Variants in SPATA17 observed in about 807,000 individuals in gnomAD.
SPATA17 encodes spermatogenesis-associated protein 17.
SPATA17 carries 53 observed loss-of-function variants against 62.2 expected under a neutral mutation model. The observed-to-expected ratio is 0.85, with a 90% CI of 0.68 to 1.07. The LOEUF is 1.07. SPATA17 is among the 50% of genes least tolerant of loss of function. The pLI, the probability that SPATA17 is intolerant of heterozygous loss-of-function variation, is 0.00. For missense variants in SPATA17, 466 were observed against 425.5 expected (o/e 1.10, Z -0.84); for synonymous variants, 146 against 146.8 (o/e 0.99, Z 0.04).
chr1:217,656,739 T>C (rs550139039), intron 3 of SPATA17, among the ~76,000 whole-genome samples: 3 of 152,328 alleles, frequency 2.0e-5, no homozygotes, highest in Non-Finnish European at 4.4e-5. Context: ...TTTTACATTC[T>C]TCATGTGTGC....
At chr1:217,831,529 T>C (rs1199507969) in intron 9 of SPATA17, among the ~76,000 whole-genome samples, 1 of 152,210 alleles carries the variant, frequency 6.6e-6, no homozygotes, top group Non-Finnish European at 1.5e-5. Context: ...TTGCTCAAGC[T>C]ATATATGACT....
chr1:217,666,934 A>G (rs1417578654), intron 3 of SPATA17, among the ~76,000 whole-genome samples: 1 of 151,438 alleles, frequency 6.6e-6, no homozygotes, highest in Admixed American at 6.6e-5. Context: ...GTGCTTTCTC[A>G]CCTCTTAACT....
At chr1:217,680,355 A>G (rs1021564833) in intron 4 of SPATA17, among the ~76,000 whole-genome samples, 3 of 152,236 alleles carry the variant, frequency 2.0e-5, no homozygotes, top group African/African-American at 7.2e-5. Context: ...CTAGGAAAAT[A>G]TGCACTTATT....
At chr1:217,822,379 A>G (rs947341040) in intron 9 of SPATA17, among the ~76,000 whole-genome samples, 19 of 151,510 alleles carry the variant, frequency 1.3e-4, no homozygotes, top group Non-Finnish European at 2.7e-4. Flanking sequence ...GTTTTTTTAT[A>G]TCTTTTGCTC....
intron 8 of SPATA17, among the ~76,000 whole-genome samples, chr1:217,790,724 G>A (rs980470481): frequency 2.0e-5 from 3 of 152,060 alleles, no homozygotes; most frequent in South Asian, 2.1e-4. Flanking sequence ...CACCGCGCCC[G>A]GCCAAATTAC....
intron 5 of SPATA17, among the ~76,000 whole-genome samples, chr1:217,699,404 A>G (rs1671540415): frequency 6.6e-6 from 1 of 152,202 alleles, no homozygotes; most frequent in Admixed American, 6.5e-5. Flanking sequence ...CCACTCTGAT[A>G]GGTATGTACT....
chr1:217,666,954 A>C (rs1670709396), intron 3 of SPATA17, among the ~76,000 whole-genome samples: 1 of 152,128 alleles, frequency 6.6e-6, no homozygotes, highest in Non-Finnish European at 1.5e-5. Flanking sequence ...TACAGGATTC[A>C]GAATTCTTTA....
intron 7 of SPATA17, among the ~76,000 whole-genome samples, chr1:217,775,739 A>ATATAGAT (rs1673574985): frequency 1.3e-5 from 2 of 152,116 alleles, no homozygotes; most frequent in Non-Finnish European, 2.9e-5. Context: ...ATCTATATAT[A>ATATAGAT]TATAGATTAT....
chr1:217,681,002 G>A (rs888852082), intron 4 of SPATA17, among the ~76,000 whole-genome samples: 1 of 84,594 alleles, frequency 1.2e-5, no homozygotes, highest in African/African-American at 3.1e-5. Context: ...GCCAAGGCAG[G>A]CAGATCACGA....
intron 1 of SPATA17, among the ~76,000 whole-genome samples, chr1:217,633,046 A>G (rs2102871641): frequency 6.6e-6 from 1 of 152,238 alleles, no homozygotes; most frequent in East Asian, 1.9e-4. Context: ...AAAATTACAA[A>G]AATCAGCCAG....
At chr1:217,749,985 C>CTCTCTA in intron 6 of SPATA17, among the ~76,000 whole-genome samples, 12 of 12,314 alleles carry the variant, frequency 9.7e-4, no homozygotes, top group East Asian at 4.6e-3. Flanking sequence ...CTCTCTCTCT[C>CTCTCTA]TATATATATA....
intron 5 of SPATA17, chr1:217,739,617 C>A (rs1192744047): frequency 6.6e-6 from 1 of 151,888 alleles, no homozygotes; most frequent in African/African-American, 2.4e-5. Context: ...GTAGGGAATC[C>A]TAGTTAGAAT....
At chr1:217,795,926 T>C (rs1558054500) in intron 8 of SPATA17, among the ~76,000 whole-genome samples, 1 of 151,976 alleles carries the variant, frequency 6.6e-6, no homozygotes, top group African/African-American at 2.4e-5. Flanking sequence ...GCCTCTCTAG[T>C]AGCTGAGACT....
intron 10 of SPATA17, among the ~76,000 whole-genome samples, chr1:217,864,500 T>G (rs956521037): frequency 6.6e-6 from 1 of 152,122 alleles, no homozygotes; most frequent in African/African-American, 2.4e-5. Context: ...TATGTGTGTA[T>G]ACATATATAC....
At chr1:217,719,116 C>A (rs1672068582) in intron 5 of SPATA17, among the ~76,000 whole-genome samples, 2 of 152,210 alleles carry the variant, frequency 1.3e-5, no homozygotes, top group Admixed American at 1.3e-4. Context: ...CCCTAGTGGG[C>A]TACTAGAACA....
intron 9 of SPATA17, among the ~76,000 whole-genome samples, chr1:217,841,023 C>CT (rs138373194): frequency 0.039 from 5,887 of 151,784 alleles, 333 homozygotes; most frequent in African/African-American, 0.13. Context: ...AAAAATGTTA[C>CT]TTTAAATTTG....
chr1:217,846,268 A>G (rs1675524955), intron 9 of SPATA17, among the ~76,000 whole-genome samples: 1 of 152,120 alleles, frequency 6.6e-6, no homozygotes, highest in Admixed American at 6.6e-5. Context: ...AGTATTATGC[A>G]TTAATATCCT....
At chr1:217,748,276 C>T (rs1207699808) in intron 6 of SPATA17, among the ~76,000 whole-genome samples, 1 of 137,286 alleles carries the variant, frequency 7.3e-6, no homozygotes, top group East Asian at 2.1e-4. Context: ...GCACTCCAGC[C>T]TGGGCAACAG....
intron 6 of SPATA17, among the ~76,000 whole-genome samples, chr1:217,762,135 G>T (rs1673185890): frequency 6.6e-6 from 1 of 151,942 alleles, no homozygotes; most frequent in South Asian, 2.1e-4. Flanking sequence ...TCTTTAATGT[G>T]CACACTCCTA....
Sources: allele counts gnomAD v4.1 joint callset (sites outside exome capture counted in the v4.1 genomes callset), GRCh38; gene constraint gnomAD v4.1.1; transcripts MANE v1.5; gene names NCBI Gene and HGNC (gene_info 2026-07-23, HGNC 2026-07-21).